Variants in ATOSA observed in about 807,000 individuals in gnomAD.
ATOSA encodes atos homolog protein A.
At chr15:52,700,359 G>A in the ATOSA span, among the ~76,000 whole-genome samples, 1 of 152,066 alleles carries the variant, frequency 6.6e-6, no homozygotes, top group Non-Finnish European at 1.5e-5. Flanking sequence ...CAGTGTAGGA[G>A]TTCAAAACTA....
chr15:52,611,578 C>T, the ATOSA span: 63 of 1,613,830 alleles, frequency 3.9e-5, no homozygotes, highest in Admixed American at 8.5e-4. Context: ...AACTTACTGT[C>T]GAGGAACTGG....
the ATOSA span, among the ~76,000 whole-genome samples, chr15:52,651,308 ATAAT>A: frequency 3.3e-5 from 5 of 152,214 alleles, no homozygotes; most frequent in Non-Finnish European, 5.9e-5. Context: ...AATGGATTAA[ATAAT>A]TAAGAGATTG....
At chr15:52,650,690 A>C in the ATOSA span, among the ~76,000 whole-genome samples, 1 of 152,212 alleles carries the variant, frequency 6.6e-6, no homozygotes, top group Admixed American at 6.5e-5. Context: ...CAAACTATAT[A>C]GTTTGTAGAG....
chr15:52,585,962 G>T, the ATOSA span: 23 of 152,286 alleles, frequency 1.5e-4, no homozygotes, highest in African/African-American at 3.8e-4. Context: ...CATAAGCCAG[G>T]AGTTCAAATC....
At chr15:52,649,712 T>C in the ATOSA span, 1 of 152,154 alleles carries the variant, frequency 6.6e-6, no homozygotes, top group Non-Finnish European at 1.5e-5. Context: ...TGTCAAATAA[T>C]AGACAAATCC....
the ATOSA span, chr15:52,656,130 T>C: frequency 6.6e-6 from 1 of 151,676 alleles, no homozygotes; most frequent in African/African-American, 2.4e-5. Flanking sequence ...GTGAAGCTGA[T>C]TTTTTTTTAA....
At chr15:52,609,064 T>C in the ATOSA span, 1 of 1,613,468 alleles carries the variant, frequency 6.2e-7, no homozygotes, top group Non-Finnish European at 8.5e-7. Flanking sequence ...ATTTTCTTTG[T>C]GCTGAGACAA....
At chr15:52,674,760 T>C in the ATOSA span, among the ~76,000 whole-genome samples, 1 of 151,932 alleles carries the variant, frequency 6.6e-6, no homozygotes, top group Non-Finnish European at 1.5e-5. Context: ...TTATTTACCT[T>C]TGTTGAGTAT....
At chr15:52,605,313 T>G in the ATOSA span, 1 of 1,236,196 alleles carries the variant, frequency 8.1e-7, no homozygotes, top group Non-Finnish European at 1.1e-6. Flanking sequence ...TGGACAGTGT[T>G]TTTGTTTTTA....
the ATOSA span, among the ~76,000 whole-genome samples, chr15:52,686,676 T>C: frequency 6.6e-6 from 1 of 152,218 alleles, no homozygotes; most frequent in Non-Finnish European, 1.5e-5. Context: ...CTAGGAGCTA[T>C]TCCTTTATTT....
the ATOSA span, among the ~76,000 whole-genome samples, chr15:52,630,020 T>G: frequency 2.0e-5 from 3 of 151,938 alleles, no homozygotes; most frequent in Admixed American, 2.0e-4. Context: ...GGGCAGGACG[T>G]TGGTGGTGGT....
chr15:52,598,262 G>A, the ATOSA span, among the ~76,000 whole-genome samples: 1 of 152,244 alleles, frequency 6.6e-6, no homozygotes, highest in East Asian at 1.9e-4. Flanking sequence ...GAAAGTTTAC[G>A]AATTTGTGTT....
At chr15:52,661,639 ATGTTGTTGTTT>A in the ATOSA span, among the ~76,000 whole-genome samples, 3 of 152,162 alleles carry the variant, frequency 2.0e-5, no homozygotes, top group East Asian at 1.9e-4. Context: ...TGTAACCTGA[ATGTTGTTGTTT>A]TGTTGTTGTT....
chr15:52,588,252 G>A, the ATOSA span, among the ~76,000 whole-genome samples: 1 of 152,242 alleles, frequency 6.6e-6, no homozygotes, highest in African/African-American at 2.4e-5. Flanking sequence ...TGGGAGCCCT[G>A]CTCTACTATA....
the ATOSA span, among the ~76,000 whole-genome samples, chr15:52,643,723 G>A: frequency 6.6e-6 from 1 of 151,852 alleles, no homozygotes. Context: ...AGACCAGCTT[G>A]ACCAACATGG....
the ATOSA span, chr15:52,593,308 G>T: frequency 2.9e-6 from 1 of 347,892 alleles, no homozygotes; most frequent in Admixed American, 4.6e-5. Flanking sequence ...AACTCAGCAA[G>T]ATGGAATTAC....
chr15:52,707,816 A>C, the ATOSA span, among the ~76,000 whole-genome samples: 1 of 152,220 alleles, frequency 6.6e-6, no homozygotes, highest in Non-Finnish European at 1.5e-5. Flanking sequence ...GGGAGAGAGT[A>C]TGATAAAGCA....
the ATOSA span, chr15:52,611,729 T>A: frequency 1.2e-6 from 2 of 1,613,896 alleles, no homozygotes; most frequent in African/African-American, 1.3e-5. Flanking sequence ...GGAAGGTTAT[T>A]CTTCCACAAC....
the ATOSA span, chr15:52,593,356 A>G: frequency 2.1e-6 from 1 of 468,522 alleles, no homozygotes; most frequent in Middle Eastern, 5.6e-4. Context: ...TTTCAAGACA[A>G]AGAGAAATAA....
Sources: gnomAD v4.1 joint callset for allele counts (sites outside exome capture counted in the v4.1 genomes callset) on GRCh38, gnomAD v4.1.1 for gene constraint, MANE v1.5 for transcripts, NCBI Gene and HGNC (gene_info 2026-07-23, HGNC 2026-07-21) for gene names.